Variants in C1orf54 observed in about 807,000 individuals in gnomAD.
The protein encoded by C1orf54 is chromosome 1 open reading frame 54, also known as uncharacterized protein C1orf54.
In C1orf54, 12 loss-of-function variants were observed where a neutral mutation model predicts 14.7. The observed-to-expected ratio is 0.82, with a 90% CI of 0.52 to 1.32. The LOEUF (loss-of-function observed/expected upper bound fraction) is 1.32, where lower values mean the gene tolerates loss of function less well. C1orf54 is among the 40% of genes most tolerant of loss of function. C1orf54 has a pLI of 0.00. For synonymous variants in C1orf54, 65 were observed against 56.3 expected (o/e 1.16, Z -0.70); for missense variants, 163 against 162.2 (o/e 1.00, Z -0.03).
intron 4 of C1orf54, 25 bp downstream of exon 4, chr1:150,276,657 TG>T: frequency 6.4e-7 from 1 of 1,571,324 alleles, no homozygotes; most frequent in Non-Finnish European, 8.8e-7. Context: ...GATTGGGGGC[TG>T]GGGGGAGACA....
At chr1:150,280,650 G>C (rs1357151253) in intron 5 of C1orf54, among the ~76,000 whole-genome samples, 185 bp from the exon 6 acceptor site, 1 of 152,178 alleles carries the variant, frequency 6.6e-6, no homozygotes, top group East Asian at 1.9e-4. Flanking sequence ...ATTGATCATA[G>C]AGAGATTCAG....
upstream of C1orf54, chr1:150,272,226 T>C (rs1412302091): frequency 2.6e-5 from 4 of 152,840 alleles, no homozygotes; most frequent in African/African-American, 9.7e-5. Flanking sequence ...GCTGAAGCCA[T>C]GCAGCAGGTG....
At chr1:150,277,254 T>C (rs1212175897) in intron 4 of C1orf54, among the ~76,000 whole-genome samples, 1 of 152,010 alleles carries the variant, frequency 6.6e-6, no homozygotes, top group African/African-American at 2.4e-5. Context: ...TCCCAGCACT[T>C]TGGGGAGGCC....
At chr1:150,268,958 G>T (rs1317652512), upstream of C1orf54, 3 of 640,906 alleles carry the variant, frequency 4.7e-6, no homozygotes, top group Non-Finnish European at 8.1e-6. Context: ...GAAGGGGAAG[G>T]GGGGGAACCG....
At chr1:150,277,985 T>C (rs1468544324) in intron 4 of C1orf54, among the ~76,000 whole-genome samples, 1 of 152,094 alleles carries the variant, frequency 6.6e-6, no homozygotes, top group African/African-American at 2.4e-5. Context: ...TAATCCCAGC[T>C]ACCTGGGAGG....
chr1:150,272,857 A>T lies in C1orf54; in HGVS notation c.40A>T (p.Ile14Phe), dbSNP rs1553851538. 1 of 1,614,018 alleles carries T rather than the reference A, an allele frequency of 6.2e-7. No individual in the cohort carries two copies. ...LFVAIFAVPL[I>F]LGQEYEDEER... ...TGTAGCCATCTTTGCTGTGCCACTT[A>T]TCCTGGGTAAGTCCACTCCTCTCTC... is the stretch of plus-strand genomic sequence containing the variant. Residue 14 changes from isoleucine (I) to phenylalanine (F), a missense_variant, in exon 1 of 6, where the codon ATC (isoleucine) becomes TTC (phenylalanine). By Grantham distance (21) the Ile-to-Phe change is conservative. Coordinates refer to ENST00000369099, the MANE Select transcript of C1orf54 (RefSeq NM_024579.4).
intron 1 of C1orf54, 123 bp from the exon 2 acceptor site, chr1:150,273,960 GGAGA>G (rs142617444): frequency 3.5e-4 from 226 of 645,200 alleles, no homozygotes; most frequent in African/African-American, 6.4e-4. Flanking sequence ...GACTATTGGA[GGAGA>G]GAGAGAGAGA....
intron 2 of C1orf54, among the ~76,000 whole-genome samples, chr1:150,274,912 C>CAAAA (rs34704617): frequency 2.1e-5 from 3 of 142,866 alleles, no homozygotes; most frequent in Non-Finnish European, 3.1e-5. Context: ...GACTACGTCA[C>CAAAA]AAAAAAAAAA....
At chr1:150,272,658 C>G (rs1014815857), upstream of C1orf54, 3 of 691,334 alleles carry the variant, frequency 4.3e-6, no homozygotes, top group Non-Finnish European at 7.6e-6. Flanking sequence ...AACCGGAGAT[C>G]TAGTCAGTCA....
At chr1:150,272,460 T>G, upstream of C1orf54, 2 of 233,004 alleles carry the variant, frequency 8.6e-6, no homozygotes, top group South Asian at 6.0e-5. Flanking sequence ...TATGAGGCCT[T>G]GGAGGAAGGA....
upstream of C1orf54, chr1:150,272,616 A>C: frequency 1.7e-6 from 1 of 601,126 alleles, no homozygotes; most frequent in Non-Finnish European, 3.0e-6. Flanking sequence ...TTTGCCTCTC[A>C]ATCTGGGCAG....
intron 1 of C1orf54, among the ~76,000 whole-genome samples, chr1:150,273,307 G>A (rs1456738423): frequency 1.3e-5 from 2 of 152,200 alleles, no homozygotes; most frequent in South Asian, 4.1e-4. Flanking sequence ...GTGGAAAACT[G>A]GCTGTCTTCA....
intron 5 of C1orf54, among the ~76,000 whole-genome samples, 188 bp downstream of exon 5, chr1:150,279,929 G>C (rs1553853143): frequency 6.6e-6 from 1 of 152,120 alleles, no homozygotes. Context: ...TGACGTGGGA[G>C]GATCGCTTGA....
chr1:150,271,181 C>T (rs1553851237), upstream of C1orf54, among the ~76,000 whole-genome samples: 2 of 151,348 alleles, frequency 1.3e-5, no homozygotes, highest in African/African-American at 2.4e-5. Flanking sequence ...GGTGCTATCT[C>T]GGCTCACTGC....
chr1:150,273,916 G>A (rs587708261), intron 1 of C1orf54, among the ~76,000 whole-genome samples, 171 bp from the exon 2 acceptor site: 5 of 152,174 alleles, frequency 3.3e-5, no homozygotes, highest in African/African-American at 2.4e-5. Flanking sequence ...AAGACTGAGA[G>A]GGGTGTAGAG....
At chr1:150,274,916 A>AC (rs1652519532) in intron 2 of C1orf54, among the ~76,000 whole-genome samples, 2 of 151,500 alleles carry the variant, frequency 1.3e-5, no homozygotes, top group East Asian at 3.9e-4. Flanking sequence ...ACGTCACAAA[A>AC]AAAAAAAAAG....
Position 150,276,567 on chromosome 1 carries a change from A to G in C1orf54, c.235A>G (p.Ser79Gly), listed in dbSNP as rs782596838. Reference sequence around the variant, plus strand: ...AACAGAAGCAATAGAGACTACCATTAGTCTTGAAACAGCACGTGCAGACCA... The same window carrying G: ...AACAGAAGCAATAGAGACTACCATTGGTCTTGAAACAGCACGTGCAGACCA... Reference protein sequence around the residue: ...DITEAIETTISLETARADHPK... With the variant: ...DITEAIETTIGLETARADHPK... Residue 79 changes from serine to glycine, a missense_variant, in exon 4 of 6, where the codon AGT becomes GGT. Transcript: ENST00000369099. 6.2e-7 allele frequency: 1 copy of G among 1,614,198 alleles called. No individual in the cohort carries two copies. The highest frequency in any genetic ancestry group is 1.1e-5 in the South Asian group (1 of 91,082).
intron 2 of C1orf54, 70 bp downstream of exon 2, chr1:150,274,240 T>C: frequency 8.3e-7 from 1 of 1,202,274 alleles, no homozygotes; most frequent in Non-Finnish European, 1.2e-6. Flanking sequence ...TTCTGAGACT[T>C]TGCTCTTCAC....
chr1:150,274,233 T>C, intron 2 of C1orf54, 63 bp downstream of exon 2: 1 of 1,252,748 alleles, frequency 8.0e-7, no homozygotes, highest in Non-Finnish European at 1.2e-6. Context: ...TATTTAGTTC[T>C]GAGACTTTGC....
Sources: allele counts gnomAD v4.1 joint callset (sites outside exome capture counted in the v4.1 genomes callset), GRCh38; gene constraint gnomAD v4.1.1; transcripts MANE v1.5; gene names NCBI Gene and HGNC (gene_info 2026-07-23, HGNC 2026-07-21).